The following HECW2 variants were observed in gnomAD, a reference collection of about 807,000 sequenced individuals.
HECW2 encodes HECT, C2 and WW domain containing E3 ubiquitin protein ligase 2.
HECW2 carries 61 observed loss-of-function variants against 175.2 expected under a neutral mutation model. The observed-to-expected ratio is 0.35, with a 90% confidence interval of 0.28 to 0.43. The LOEUF (loss-of-function observed/expected upper bound fraction) is 0.43, where lower values mean the gene tolerates loss of function less well. HECW2 is among the 20% of genes least tolerant of loss of function. The pLI is 1.00. For synonymous variants in HECW2, 671 were observed against 731.0 expected, an observed-to-expected ratio of 0.92 and a Z score of 1.32; for missense variants, 1,524 against 2,000.5, an observed-to-expected ratio of 0.76 and a Z score of 4.54.
chr2:196,317,577 T>TC (rs1332876198), intron 9 of HECW2, among the ~76,000 whole-genome samples: 1 of 151,950 alleles, frequency 6.6e-6, no homozygotes, highest in Non-Finnish European at 1.5e-5. Flanking sequence ...TCTGCATGTA[T>TC]CCCCCGCTCC....
intron 14 of HECW2, among the ~76,000 whole-genome samples, chr2:196,287,516 C>A (rs757269955): frequency 6.6e-6 from 1 of 151,950 alleles, no homozygotes; most frequent in Non-Finnish European, 1.5e-5. Context: ...GGAAATAGTC[C>A]GTATTTAACA....
chr2:196,319,257 G>A lies in HECW2; in HGVS notation c.1633C>T (p.Pro545Ser), dbSNP rs1691840854. The stretch of plus-strand genomic sequence containing the variant: ...CCGCCTTCACCTTCCTCTGGGGCTG[G>A]GCCTGCAGGTAAGGAGCTCTCTGCA... Reference protein sequence around the residue: ...ELAESSLPAGPAPEEGEGGPE... With the variant: ...ELAESSLPAGSAPEEGEGGPE... Residue 545 changes from proline to serine, a missense_variant, in exon 9 of 29, where the codon CCA (proline) becomes TCA (serine). Transcript: ENST00000644978. 1 of 1,603,648 alleles carries A rather than the reference G, an allele frequency of 6.2e-7. No individual in the cohort carries two copies. The highest frequency in any genetic ancestry group is 8.5e-7 in the Non-Finnish European group (1 of 1,175,284).
At chr2:196,439,284 G>T (rs894055137) in intron 1 of HECW2, among the ~76,000 whole-genome samples, 1 of 152,178 alleles carries the variant, frequency 6.6e-6, no homozygotes, top group African/African-American at 2.4e-5. Flanking sequence ...AGCCTGGGGA[G>T]AGGAACACCA....
chr2:196,390,114 A>G (rs1024331693), intron 2 of HECW2, among the ~76,000 whole-genome samples: 4 of 152,168 alleles, frequency 2.6e-5, no homozygotes, highest in Non-Finnish European at 4.4e-5. Context: ...TATTATATTT[A>G]TTATCTCATA....
At chr2:196,225,954 C>A (rs905510645) in intron 22 of HECW2, 84 bp from the exon 23 acceptor site, 1 of 796,746 alleles carries the variant, frequency 1.3e-6, no homozygotes, top group East Asian at 2.6e-5. Flanking sequence ...TGCCTTCCAG[C>A]GCTAACCATC....
At position 196,271,218 on chromosome 2, in the gene HECW2, C is replaced by A; in HGVS notation, c.3310G>T (p.Asp1104Tyr). Residue 1104 changes from aspartate (D) to tyrosine (Y), a missense_variant, in exon 17 of 29, where the codon GAT becomes TAT. Coordinates refer to ENST00000644978, the MANE Select transcript of HECW2 (RefSeq NM_001348768.2). ...CTGAGTGAGTGATTCCTGGTAAGAT[C>A]AGGTTGACGCTCCTGTAGAATTTCA... ...IFEILQERQP[D>Y]LTRNHSLREK... is the part of the protein sequence containing the mutation. The A allele has an allele frequency of 6.2e-7, 1 of 1,608,068 alleles. No homozygotes were observed. Among genetic ancestry groups the A allele is most frequent in the Non-Finnish European group, 8.5e-7 (1 of 1,174,620 alleles).
chr2:196,241,453 A>C (rs1559458193), intron 20 of HECW2, among the ~76,000 whole-genome samples: 2 of 152,144 alleles, frequency 1.3e-5, no homozygotes, highest in African/African-American at 4.8e-5. Context: ...GGGGTGCTCC[A>C]GTGGAGACCG....
At chr2:196,562,993 T>C (rs1044852846) in intron 1 of HECW2, among the ~76,000 whole-genome samples, 1 of 152,056 alleles carries the variant, frequency 6.6e-6, no homozygotes, top group Non-Finnish European at 1.5e-5. Context: ...CAGTGAGCCA[T>C]GAACGCACAA....
intron 14 of HECW2, among the ~76,000 whole-genome samples, chr2:196,282,984 G>C (rs936031801): frequency 6.6e-6 from 1 of 152,124 alleles, no homozygotes; most frequent in Non-Finnish European, 1.5e-5. Context: ...GGAGCGGCTA[G>C]GTGTGGTGGC....
intron 3 of HECW2, among the ~76,000 whole-genome samples, chr2:196,340,010 G>A (rs7593977): frequency 0.25 from 38,066 of 152,082 alleles, 6,103 homozygotes; most frequent in African/African-American, 0.46. Flanking sequence ...AATAGCCTAC[G>A]TAGTGCTCAA....
At chr2:196,324,829 G>T in intron 6 of HECW2, 151 bp downstream of exon 6, 1 of 510,122 alleles carries the variant, frequency 2.0e-6, no homozygotes, top group Admixed American at 3.5e-5. Context: ...GCTCTGGAGA[G>T]ATGGGAATAG....
chr2:196,582,940 G>A (rs1395891687), intron 1 of HECW2, among the ~76,000 whole-genome samples: 2 of 152,196 alleles, frequency 1.3e-5, no homozygotes, highest in African/African-American at 4.8e-5. Context: ...TTGATGAAGT[G>A]TGTCTCTCCA....
At chr2:196,323,357 T>C (rs1311373373) in intron 6 of HECW2, among the ~76,000 whole-genome samples, 1 of 152,240 alleles carries the variant, frequency 6.6e-6, no homozygotes, top group East Asian at 1.9e-4. Context: ...CACTTTATCT[T>C]TACAACGATG....
intron 2 of HECW2, among the ~76,000 whole-genome samples, chr2:196,365,593 G>C (rs1693721850): frequency 6.6e-6 from 1 of 152,154 alleles, no homozygotes; most frequent in Non-Finnish European, 1.5e-5. Context: ...ATACACATCA[G>C]TCTGTGTATA....
At chr2:196,367,621 T>C (rs1693780403) in intron 2 of HECW2, among the ~76,000 whole-genome samples, 3 of 152,150 alleles carry the variant, frequency 2.0e-5, no homozygotes, top group Non-Finnish European at 4.4e-5. Context: ...ACATAAACCA[T>C]CTGCACTTCC....
At chr2:196,396,352 A>G (rs1367521567) in intron 2 of HECW2, among the ~76,000 whole-genome samples, 3 of 152,258 alleles carry the variant, frequency 2.0e-5, no homozygotes, top group African/African-American at 7.2e-5. Context: ...CATATAATCA[A>G]TTCCCAGGAT....
chr2:196,482,342 G>A (rs757143272), intron 1 of HECW2, among the ~76,000 whole-genome samples: 1 of 152,214 alleles, frequency 6.6e-6, no homozygotes, highest in African/African-American at 2.4e-5. Flanking sequence ...ATCTCCCCTT[G>A]CAAAGGAGCA....
At chr2:196,458,684 G>A (rs1048562914) in intron 1 of HECW2, among the ~76,000 whole-genome samples, 6 of 151,948 alleles carry the variant, frequency 3.9e-5, no homozygotes, top group African/African-American at 1.2e-4. Flanking sequence ...TGGCCAACAT[G>A]GTGAAACCCC....
At chr2:196,486,602 G>T (rs1222842678) in intron 1 of HECW2, among the ~76,000 whole-genome samples, 3 of 152,172 alleles carry the variant, frequency 2.0e-5, no homozygotes. Flanking sequence ...CCCTCCCCTG[G>T]AAGAGACAGA....
Sources: gnomAD v4.1 joint callset for allele counts (sites outside exome capture counted in the v4.1 genomes callset) on GRCh38, gnomAD v4.1.1 for gene constraint, MANE v1.5 for transcripts, NCBI Gene and HGNC (gene_info 2026-07-23, HGNC 2026-07-21) for gene names.